Variants in DRC8 observed in about 807,000 individuals in gnomAD.
DRC8 encodes dynein regulatory complex protein 8.
the DRC8 span, among the ~76,000 whole-genome samples, chr1:245,055,325 G>C: frequency 6.6e-6 from 1 of 151,828 alleles, no homozygotes; most frequent in African/African-American, 2.4e-5. Flanking sequence ...CACATTTATT[G>C]GTATTTCTTT....
the DRC8 span, chr1:245,087,467 G>A: frequency 7.0e-7 from 1 of 1,424,820 alleles, no homozygotes; most frequent in Non-Finnish European, 9.1e-7. Context: ...TTAATACCTT[G>A]TGACATAACT....
At chr1:245,088,368 G>A in the DRC8 span, among the ~76,000 whole-genome samples, 1 of 140,664 alleles carries the variant, frequency 7.1e-6, no homozygotes, top group African/African-American at 2.7e-5. This position sits in a 1 kb window ranked among gnomAD's most constrained non-coding sequence, Gnocchi z 4.6. Flanking sequence ...ATTTGAAGAT[G>A]GCTTCACCAC....
At chr1:245,087,184 G>A in the DRC8 span, 8 of 1,575,668 alleles carry the variant, frequency 5.1e-6, no homozygotes, top group Non-Finnish European at 5.2e-6. Context: ...AAGCTGGCTA[G>A]TGGAAAGAGA....
At chr1:245,099,301 A>C in the DRC8 span, among the ~76,000 whole-genome samples, 1 of 152,186 alleles carries the variant, frequency 6.6e-6, no homozygotes, top group African/African-American at 2.4e-5. Flanking sequence ...GGGCTTTTTC[A>C]ACAGATTGTT....
At chr1:245,032,124 T>C in the DRC8 span, among the ~76,000 whole-genome samples, 1 of 152,132 alleles carries the variant, frequency 6.6e-6, no homozygotes, top group South Asian at 2.1e-4. Context: ...CATCTTCATA[T>C]ATAGTAAGGC....
the DRC8 span, among the ~76,000 whole-genome samples, chr1:244,986,419 A>G: frequency 6.6e-6 from 1 of 152,204 alleles, no homozygotes; most frequent in African/African-American, 2.4e-5. Flanking sequence ...GAATGGAGAC[A>G]TGAAGGTGGG....
At chr1:244,970,141 G>C in the DRC8 span, 1 of 684,216 alleles carries the variant, frequency 1.5e-6, no homozygotes, top group South Asian at 1.6e-5. Context: ...CCCGGGACAA[G>C]TCCGGCTCCG....
At chr1:245,008,651 C>T in the DRC8 span, among the ~76,000 whole-genome samples, 6 of 149,548 alleles carry the variant, frequency 4.0e-5, no homozygotes, top group Non-Finnish European at 7.4e-5. Context: ...AAAATGTGAT[C>T]TCTTAACATG....
the DRC8 span, among the ~76,000 whole-genome samples, chr1:245,074,448 T>G: frequency 6.6e-6 from 1 of 152,250 alleles, no homozygotes; most frequent in African/African-American, 2.4e-5. Flanking sequence ...TAGCTGGTGC[T>G]CCTGAAGCCC....
chr1:245,041,206 G>C, the DRC8 span, among the ~76,000 whole-genome samples: 1 of 152,196 alleles, frequency 6.6e-6, no homozygotes, highest in African/African-American at 2.4e-5. Flanking sequence ...GGATTAGGAT[G>C]CTGGAGAAAA....
At chr1:245,078,053 C>A in the DRC8 span, among the ~76,000 whole-genome samples, 2 of 151,926 alleles carry the variant, frequency 1.3e-5, no homozygotes, top group Non-Finnish European at 2.9e-5. Context: ...GAAAAAAGGA[C>A]CTGACATTTT....
the DRC8 span, among the ~76,000 whole-genome samples, chr1:245,014,437 G>A: frequency 6.6e-6 from 1 of 151,908 alleles, no homozygotes; most frequent in African/African-American, 2.4e-5. Flanking sequence ...TAAATAATGA[G>A]GTAATATTTA....
the DRC8 span, among the ~76,000 whole-genome samples, chr1:244,979,115 T>A: frequency 6.6e-6 from 1 of 151,968 alleles, no homozygotes; most frequent in East Asian, 1.9e-4. Context: ...TCCTCTTTCA[T>A]ACTATATTTT....
chr1:245,008,763 G>C, the DRC8 span, among the ~76,000 whole-genome samples: 28 of 150,692 alleles, frequency 1.9e-4, no homozygotes, highest in South Asian at 6.3e-4. Context: ...TGAACTCCTG[G>C]GCTTAAGGGA....
chr1:245,075,672 T>G, the DRC8 span: 1 of 152,248 alleles, frequency 6.6e-6, no homozygotes, highest in African/African-American at 2.4e-5. Flanking sequence ...TTTAGCAGGC[T>G]ACACTCGAGG....
At chr1:244,986,746 A>C in the DRC8 span, among the ~76,000 whole-genome samples, 5 of 144,396 alleles carry the variant, frequency 3.5e-5, no homozygotes, top group Non-Finnish European at 6.2e-5. Flanking sequence ...CCCTGTCTCA[A>C]AAAAAAAAAA....
the DRC8 span, among the ~76,000 whole-genome samples, chr1:245,119,434 G>C: frequency 6.6e-6 from 1 of 151,904 alleles, no homozygotes; most frequent in African/African-American, 2.4e-5. Flanking sequence ...AGCATTTTGG[G>C]AGGCCGAGGC....
the DRC8 span, chr1:245,121,972 C>T: frequency 2.5e-6 from 1 of 401,820 alleles, no homozygotes; most frequent in Non-Finnish European, 4.8e-6. Context: ...GATCTTGGCT[C>T]GTTGCAACCT....
the DRC8 span, among the ~76,000 whole-genome samples, chr1:245,039,521 T>C: frequency 1.3e-5 from 2 of 151,258 alleles, 1 homozygote; most frequent in African/African-American, 4.9e-5. Context: ...CATTCACATC[T>C]TACATAACTA....
Sources: allele counts gnomAD v4.1 joint callset (sites outside exome capture counted in the v4.1 genomes callset), GRCh38; gene constraint gnomAD v4.1.1; non-coding constraint Gnocchi (gnomAD v3.1); transcripts MANE v1.5; gene names NCBI Gene and HGNC (gene_info 2026-07-23, HGNC 2026-07-21).